The following KIAA0232 variants were observed in gnomAD, a reference collection of about 807,000 sequenced individuals.
The protein encoded by KIAA0232 is uncharacterized protein KIAA0232.
In KIAA0232, 27 loss-of-function variants were observed where a neutral mutation model predicts 122.0. The ratio of observed to expected loss-of-function variants is 0.22; its 90% CI spans 0.16 to 0.31. The LOEUF is 0.31. Ranked by LOEUF, KIAA0232 falls within the 10% of genes least tolerant of loss-of-function variation. The pLI, the probability that KIAA0232 is intolerant of heterozygous loss-of-function variation, is 1.00. For missense variants in KIAA0232, 1,551 were observed against 1,634.2 expected, an observed-to-expected ratio of 0.95 and a Z score of 0.88; for synonymous variants, 613 against 587.6, an observed-to-expected ratio of 1.04 and a Z score of -0.63.
chr4:6,817,988 C>G (rs1298582159), intron 2 of KIAA0232, among the ~76,000 whole-genome samples: 1 of 152,130 alleles, frequency 6.6e-6, no homozygotes, highest in Non-Finnish European at 1.5e-5. Flanking sequence ...TGTAGACACT[C>G]TAGCTTTTTT....
chr4:6,802,268 G>C (rs4447864), intron 1 of KIAA0232, among the ~76,000 whole-genome samples: 11,848 of 152,172 alleles, frequency 0.078, 1,005 homozygotes, highest in East Asian at 0.18. Context: ...CGCTCTCTGA[G>C]TCAGTCAGGA....
chr4:6,784,146 T>C (rs1185956887), intron 1 of KIAA0232, among the ~76,000 whole-genome samples: 1 of 151,806 alleles, frequency 6.6e-6, no homozygotes, highest in East Asian at 1.9e-4. Flanking sequence ...GCATGCGAGA[T>C]TCTTTGGAAA....
intron 4 of KIAA0232, among the ~76,000 whole-genome samples, chr4:6,847,961 A>G (rs750815464): frequency 3.5e-4 from 54 of 152,188 alleles, no homozygotes; most frequent in Non-Finnish European, 7.3e-4. Context: ...TGGTTAGAAG[A>G]TTAGAAACTT....
intron 4 of KIAA0232, among the ~76,000 whole-genome samples, chr4:6,843,185 C>G (rs548958912): frequency 5.6e-4 from 86 of 152,244 alleles, no homozygotes; most frequent in African/African-American, 2.0e-3. Flanking sequence ...ATTATTCACT[C>G]TAAGATGTTA....
intron 4 of KIAA0232, among the ~76,000 whole-genome samples, chr4:6,844,199 C>G (rs1311006269): frequency 6.6e-6 from 1 of 151,956 alleles, no homozygotes; most frequent in Non-Finnish European, 1.5e-5. Context: ...CTCAGCCTCC[C>G]AAAGTGCTGG....
rs557897581 is a variant in KIAA0232, at chr4:6,883,963, G to C, written c.*2997G>C. On this transcript the variant is annotated 3_prime_UTR_variant, in exon 10 of 10. Coordinates refer to ENST00000307659, the MANE Select transcript of KIAA0232 (RefSeq NM_014743.3). ...GTTTTTACTCAGATGTCTTCATGTC[G>C]GTAATTATAGAACTACATAATTATT... The C allele has an allele frequency of 1.3e-5, 2 of 151,960 alleles. No individual in the cohort carries two copies. Among genetic ancestry groups the C allele is most frequent in the African/African-American group, 2.4e-5 (1 of 41,362 alleles). The allele number at this position is 151,960 out of a possible 1,614,324, so 9.4% of individuals were successfully genotyped here.
At chr4:6,802,753 G>T (rs145928549) in intron 1 of KIAA0232, among the ~76,000 whole-genome samples, 1 of 152,112 alleles carries the variant, frequency 6.6e-6, no homozygotes, top group Non-Finnish European at 1.5e-5. Flanking sequence ...ATAGAGCAAG[G>T]TGTGGTATGT....
At position 6,882,651 on chromosome 4, in the gene KIAA0232, C is replaced by G. The variant is rs145140392; in HGVS notation, c.*1685C>G. On this transcript the variant is annotated 3_prime_UTR_variant, in exon 10 of 10. Coordinates refer to ENST00000307659, the MANE Select transcript of KIAA0232 (RefSeq NM_014743.3). ...GTGTGTGTGTGTGTGTGTGTGTGCG[C>G]GCGTGCGCGCGCGCATGTGTAAGGT... The G allele has an allele frequency of 1.3e-5, 2 of 151,804 alleles. No individual in the cohort carries two copies. Among genetic ancestry groups the G allele is most frequent in the Non-Finnish European group, 2.9e-5 (2 of 67,984 alleles). 9.4% of individuals were successfully genotyped at this position (151,804 alleles called of 1,614,324 possible).
intron 4 of KIAA0232, among the ~76,000 whole-genome samples, chr4:6,854,462 G>T (rs1260960715): frequency 6.6e-6 from 1 of 152,162 alleles, no homozygotes; most frequent in Non-Finnish European, 1.5e-5. Context: ...GGAGGACAGG[G>T]GTCGTCATAA....
intron 1 of KIAA0232, among the ~76,000 whole-genome samples, chr4:6,783,711 C>A (rs982748350): frequency 1.3e-5 from 2 of 150,174 alleles, no homozygotes; most frequent in African/African-American, 4.9e-5. Flanking sequence ...GCGGGCCTGG[C>A]GGGCGGGGCC....
At chr4:6,821,554 C>T (rs57520102) in intron 2 of KIAA0232, among the ~76,000 whole-genome samples, 2,375 of 152,006 alleles carry the variant, frequency 0.016, 58 homozygotes, top group African/African-American at 0.054. Flanking sequence ...GCCATTACTT[C>T]GTTCCTTTTT....
intron 2 of KIAA0232, among the ~76,000 whole-genome samples, chr4:6,819,284 G>A (rs7676604): frequency 1.4e-3 from 208 of 152,156 alleles, no homozygotes; most frequent in African/African-American, 4.8e-3. Flanking sequence ...AGTAAACGGT[G>A]TACAGTATTA....
intron 3 of KIAA0232, among the ~76,000 whole-genome samples, chr4:6,839,844 C>T (rs1719550987): frequency 6.6e-6 from 1 of 152,130 alleles, no homozygotes; most frequent in African/African-American, 2.4e-5. Context: ...GAGGTCATCA[C>T]TGTGGGCTGA....
At chr4:6,791,530 C>T (rs762151248) in intron 1 of KIAA0232, among the ~76,000 whole-genome samples, 30 of 151,614 alleles carry the variant, frequency 2.0e-4, no homozygotes, top group Admixed American at 1.3e-4. Flanking sequence ...GGTTTTACCA[C>T]GTTACCCAGG....
Position 6,861,829 on chromosome 4 carries a change from C to A in KIAA0232, c.1447C>A (p.Leu483Ile). The change falls in exon 7 of 10, where the codon CTC becomes ATC. Residue 483 changes from leucine (L) to isoleucine (I), a missense_variant. Leu to Ile is a conservative substitution (Grantham distance 5). Coordinates refer to ENST00000307659, the MANE Select transcript of KIAA0232 (RefSeq NM_014743.3). ...MPAVINEDID[L>I]TGTSLCSLPE... ...TGCAGTTATAAATGAGGATATTGAC[C>A]TCACTGGGACCTCATTATGTTCTCT... 1 of 1,613,948 alleles carries A rather than the reference C, an allele frequency of 6.2e-7. No homozygotes were observed. The highest frequency in any genetic ancestry group is 1.1e-5 in the South Asian group (1 of 91,042).
Position 6,861,326 on chromosome 4 carries a change from T to G in KIAA0232, c.944T>G (p.Val315Gly), listed in dbSNP as rs767134002. 8 of 1,614,028 alleles carry G rather than the reference T, an allele frequency of 5.0e-6. No homozygotes were observed. Among genetic ancestry groups the G allele is most frequent in the Non-Finnish European group, 5.1e-6 (6 of 1,180,020 alleles). Residue 315 changes from valine to glycine, a missense_variant, in exon 7 of 10, where the codon GTA (valine) becomes GGA (glycine). Transcript: ENST00000307659. ...AAAGCATCCATGAAGTATGTTAAAGTAAGACACAAGGCACGAGAGATTCGA... is the reference window on the plus strand; with the variant it reads ...AAAGCATCCATGAAGTATGTTAAAGGAAGACACAAGGCACGAGAGATTCGA... ...ELKASMKYVK[V>G]RHKAREIRNK...
intron 4 of KIAA0232, among the ~76,000 whole-genome samples, chr4:6,852,708 G>T (rs1422180362): frequency 6.6e-6 from 1 of 152,202 alleles, no homozygotes; most frequent in Non-Finnish European, 1.5e-5. Context: ...GTTAGCTAGG[G>T]CTCAGCTGGG....
intron 2 of KIAA0232, among the ~76,000 whole-genome samples, chr4:6,815,165 A>G (rs958402706): frequency 6.6e-6 from 1 of 152,142 alleles, no homozygotes; most frequent in Non-Finnish European, 1.5e-5. Flanking sequence ...GTAAAGGCAG[A>G]TAGACAGTTT....
At chr4:6,813,251 A>C (rs1326762128) in intron 2 of KIAA0232, among the ~76,000 whole-genome samples, 1 of 152,188 alleles carries the variant, frequency 6.6e-6, no homozygotes, top group East Asian at 1.9e-4. Flanking sequence ...CTGCTCCAAA[A>C]AACCCTTCAT....
Sources: allele counts gnomAD v4.1 joint callset (sites outside exome capture counted in the v4.1 genomes callset), GRCh38; gene constraint gnomAD v4.1.1; transcripts MANE v1.5; gene names NCBI Gene and HGNC (gene_info 2026-07-23, HGNC 2026-07-21).